The following PDE4D variants were observed in gnomAD, a reference collection of about 807,000 sequenced individuals.
The protein encoded by PDE4D is phosphodiesterase 4D.
PDE4D carries 24 observed loss-of-function variants against 87.4 expected under a neutral mutation model. The ratio of observed to expected loss-of-function variants is 0.27; its 90% CI spans 0.20 to 0.39. The LOEUF is 0.39. Ranked by LOEUF, PDE4D falls within the 10% of genes least tolerant of loss-of-function variation. The pLI, the probability that PDE4D is intolerant of heterozygous loss-of-function variation, is 1.00. For missense variants in PDE4D, 714 were observed against 1,041.0 expected (o/e 0.69, Z 4.32); for synonymous variants, 384 against 383.2 (o/e 1.00, Z -0.02).
At chr5:59,592,160 A>G (rs996090737) in intron 1 of PDE4D, 63 of 983,212 alleles carry the variant, frequency 6.4e-5, no homozygotes, top group Non-Finnish European at 7.2e-5. Flanking sequence ...CCCCAGGAAC[A>G]GAACAGTGTC....
At chr5:59,200,048 TAC>T (rs1364599494) in intron 2 of PDE4D, among the ~76,000 whole-genome samples, 6 of 98,828 alleles carry the variant, frequency 6.1e-5, no homozygotes, top group East Asian at 2.3e-4. Context: ...CACACGTATG[TAC>T]ACACATGCAT....
chr5:60,218,448 A>C (rs1051948080), intron 1 of PDE4D, among the ~76,000 whole-genome samples: 8 of 151,988 alleles, frequency 5.3e-5, no homozygotes, highest in African/African-American at 1.9e-4. Flanking sequence ...CATATGTAAA[A>C]ATTCATTGGG....
At chr5:59,305,887 A>G (rs1192952550) in intron 1 of PDE4D, among the ~76,000 whole-genome samples, 1 of 152,084 alleles carries the variant, frequency 6.6e-6, no homozygotes, top group South Asian at 2.1e-4. Flanking sequence ...GTTGTTCTGT[A>G]TATATCTGTT....
intron 1 of PDE4D, among the ~76,000 whole-genome samples, chr5:59,756,361 A>G (rs1046561132): frequency 7.2e-5 from 11 of 152,204 alleles, no homozygotes; most frequent in African/African-American, 2.7e-4. Flanking sequence ...TTTCAGAAAT[A>G]TAACAGGCAT....
intron 2 of PDE4D, among the ~76,000 whole-genome samples, chr5:59,990,497 A>G (rs535048353): frequency 6.6e-6 from 1 of 152,134 alleles, no homozygotes; most frequent in South Asian, 2.1e-4. Context: ...GTCCAGTTGT[A>G]TAGACAAGAC....
At chr5:59,992,431 C>CCTATT (rs1763110115) in intron 2 of PDE4D, among the ~76,000 whole-genome samples, 1 of 152,182 alleles carries the variant, frequency 6.6e-6, no homozygotes, top group Non-Finnish European at 1.5e-5. Context: ...TTCACATATA[C>CCTATT]ATGTATCCTA....
intron 1 of PDE4D, among the ~76,000 whole-genome samples, chr5:59,735,846 T>C (rs1253437532): frequency 6.6e-6 from 1 of 152,086 alleles, no homozygotes; most frequent in Non-Finnish European, 1.5e-5. Flanking sequence ...TTTAAATATT[T>C]TTAGTACAGA....
At chr5:59,799,599 T>C (rs1273963975) in intron 1 of PDE4D, among the ~76,000 whole-genome samples, 2 of 152,200 alleles carry the variant, frequency 1.3e-5, no homozygotes, top group Admixed American at 6.5e-5. Flanking sequence ...CTTGGGTGAC[T>C]AATGACAAAC....
intron 1 of PDE4D, among the ~76,000 whole-genome samples, chr5:60,277,738 G>C (rs1751515195): frequency 6.6e-6 from 1 of 151,998 alleles, no homozygotes; most frequent in Non-Finnish European, 1.5e-5. Context: ...CTTTTTGTTT[G>C]TACAACTTTT....
intron 1 of PDE4D, among the ~76,000 whole-genome samples, chr5:60,197,767 G>T (rs1024890247): frequency 2.0e-5 from 3 of 151,560 alleles, no homozygotes; most frequent in African/African-American, 7.3e-5. Flanking sequence ...TTAATTAAAA[G>T]AAACATAAAC....
At chr5:59,306,243 G>A (rs1373188130) in intron 1 of PDE4D, among the ~76,000 whole-genome samples, 1 of 152,192 alleles carries the variant, frequency 6.6e-6, no homozygotes, top group East Asian at 1.9e-4. Context: ...TGCATGGAAA[G>A]TCTTTTCCAC....
In PDE4D at chr5:59,431,554, CTGTT is replaced by C. The variant is rs532968895; in HGVS notation, c.456-215590_456-215587del. ...ATTCTTCAGTAGCCAAATTCAGACACTGTTTGGGTTTAAACAGCAGACACTGTTA... is the reference window on the plus strand; with the variant it reads ...ATTCTTCAGTAGCCAAATTCAGACACTGGGTTTAAACAGCAGACACTGTTA... On this transcript the variant is annotated intron_variant, in intron 1 of 14. Transcript: ENST00000340635. Among the ~76,000 whole-genome samples the C allele has an allele frequency of 9.2e-5, 14 of 152,236 alleles. No homozygotes were observed. The South Asian group carries it at 2.5e-3, about 27-fold the overall frequency.
chr5:59,181,541 C>CATATATATATATATATATATATATATATA (rs61135815), intron 4 of PDE4D, among the ~76,000 whole-genome samples: 2 of 60,838 alleles, frequency 3.3e-5, no homozygotes, highest in African/African-American at 1.3e-4. Flanking sequence ...TCAAAGATGT[C>CATATATATATATATATATATATATATATA]TGATATATAT....
chr5:59,259,932 A>G lies in PDE4D; in HGVS notation c.456-43964T>C, dbSNP rs1263602061. ...ATTCAGGATGTTATACTAAATTAGA[A>G]ACTGTGAGGATTATGACCAAACAAG... On this transcript the variant is annotated intron_variant, in intron 1 of 14. Coordinates refer to ENST00000340635, the MANE Select transcript of PDE4D (RefSeq NM_001104631.2). Among the ~76,000 whole-genome samples the G allele has an allele frequency of 2.0e-5, 3 of 151,922 alleles. No individual in the cohort carries two copies. The East Asian group carries it at 5.8e-4, about 29-fold the overall frequency.
At chr5:60,226,101 A>C (rs1745061279) in intron 1 of PDE4D, among the ~76,000 whole-genome samples, 1 of 152,136 alleles carries the variant, frequency 6.6e-6, no homozygotes, top group Non-Finnish European at 1.5e-5. Context: ...AAATCCTGTC[A>C]ACTTTGTTAT....
chr5:59,392,391 G>T (rs1403581718), intron 1 of PDE4D, among the ~76,000 whole-genome samples: 2 of 151,876 alleles, frequency 1.3e-5, no homozygotes, highest in Non-Finnish European at 2.9e-5. Context: ...TTCAGTTTTG[G>T]AACTTGGACT....
At chr5:59,016,641 T>C (rs10471467) in intron 6 of PDE4D, among the ~76,000 whole-genome samples, 15,544 of 152,122 alleles carry the variant, frequency 0.1, 1,034 homozygotes, top group Non-Finnish European at 0.13. Context: ...TTAGCATTTC[T>C]GAAACCTATC....
intron 1 of PDE4D, among the ~76,000 whole-genome samples, chr5:60,493,974 G>T (rs1041711903): frequency 2.0e-5 from 3 of 152,090 alleles, no homozygotes; most frequent in Non-Finnish European, 4.4e-5. Context: ...CAAAAAAAAT[G>T]CTTTAAAATT....
rs144129112 is a variant in PDE4D at position 59,749,366 on chromosome 5, T to C, written c.455+143802A>G. Among the ~76,000 whole-genome samples, 510 of 152,214 alleles carry C rather than the reference T, an allele frequency of 3.4e-3. 5 individuals carry two copies. Among genetic ancestry groups the C allele is most frequent in the African/African-American group, 0.011 (474 of 41,552 alleles). Reference sequence around the variant, plus strand: ...ACCTCTGCCTCCTGGGTTCAAGTGATGATTCTCCTGCCTCAGACTCCCCAG... The same window carrying C: ...ACCTCTGCCTCCTGGGTTCAAGTGACGATTCTCCTGCCTCAGACTCCCCAG... On this transcript the variant is annotated intron_variant, in intron 1 of 14. Coordinates refer to ENST00000340635, the MANE Select transcript of PDE4D (RefSeq NM_001104631.2).
Sources: gnomAD v4.1 joint callset for allele counts (sites outside exome capture counted in the v4.1 genomes callset) on GRCh38, gnomAD v4.1.1 for gene constraint, MANE v1.5 for transcripts, NCBI Gene and HGNC (gene_info 2026-07-23, HGNC 2026-07-21) for gene names.